The following SNTG2 variants were observed in gnomAD, a reference collection of about 807,000 sequenced individuals.
SNTG2 encodes gamma-2-syntrophin.
A neutral mutation model predicts 70.9 loss-of-function variants in SNTG2; 74 were observed. The ratio of observed to expected loss-of-function variants is 1.04; its 90% CI spans 0.86 to 1.27. SNTG2 has a LOEUF of 1.27. Among genes scored for constraint, SNTG2 ranks in the 50% most tolerant of loss-of-function variants. The probability of loss-of-function intolerance (pLI) is 0.00; values close to 1 mark genes in which losing one functional copy is unlikely to be tolerated. For synonymous variants in SNTG2, 278 were observed against 273.8 expected (o/e 1.02, Z -0.15); for missense variants, 717 against 690.7 (o/e 1.04, Z -0.43).
chr2:1,255,941 T>TAAA (rs1222760328), intron 12 of SNTG2, among the ~76,000 whole-genome samples: 1 of 135,762 alleles, frequency 7.4e-6, no homozygotes, highest in African/African-American at 2.7e-5. Context: ...TATAAATATA[T>TAAA]ATATATATAA....
intron 9 of SNTG2, among the ~76,000 whole-genome samples, chr2:1,226,798 CTG>C (rs1452622696): frequency 6.6e-6 from 1 of 152,178 alleles, no homozygotes; most frequent in Non-Finnish European, 1.5e-5. Context: ...ATCTTTTAGA[CTG>C]TTTTATTTTT....
At chr2:1,254,628 C>A (rs1356152051) in intron 12 of SNTG2, among the ~76,000 whole-genome samples, 1 of 152,074 alleles carries the variant, frequency 6.6e-6, no homozygotes, top group Non-Finnish European at 1.5e-5. Flanking sequence ...TGTTCTGGGG[C>A]CACATATTCA....
intron 2 of SNTG2, among the ~76,000 whole-genome samples, chr2:1,092,941 T>C (rs1320856959): frequency 1.3e-5 from 2 of 152,208 alleles, no homozygotes; most frequent in African/African-American, 4.8e-5. Flanking sequence ...AGATTTTATC[T>C]GATATGTTTG....
At chr2:1,055,343 A>G (rs1459485800) in intron 1 of SNTG2, among the ~76,000 whole-genome samples, 1 of 152,146 alleles carries the variant, frequency 6.6e-6, no homozygotes, top group Non-Finnish European at 1.5e-5. Flanking sequence ...GACTTTTTCC[A>G]GTGCTGTTGC....
chr2:1,044,624 T>C (rs561663493), intron 1 of SNTG2, among the ~76,000 whole-genome samples: 1 of 152,306 alleles, frequency 6.6e-6, no homozygotes, highest in Non-Finnish European at 1.5e-5. Flanking sequence ...ATTGAAAGCT[T>C]TTTATGTGTT....
intron 7 of SNTG2, among the ~76,000 whole-genome samples, chr2:1,166,799 A>T (rs1670737565): frequency 6.6e-6 from 1 of 152,174 alleles, no homozygotes; most frequent in South Asian, 2.1e-4. Flanking sequence ...GCAGAGACAC[A>T]AGTGGCCGGA....
chr2:1,319,020 A>T (rs1218911031), intron 16 of SNTG2, among the ~76,000 whole-genome samples: 2 of 152,192 alleles, frequency 1.3e-5, no homozygotes, highest in African/African-American at 4.8e-5. Flanking sequence ...TTATTTGTTA[A>T]TGATCAGTCA....
intron 9 of SNTG2, among the ~76,000 whole-genome samples, chr2:1,230,620 A>G (rs1357590460): frequency 6.6e-6 from 1 of 152,224 alleles, no homozygotes; most frequent in Non-Finnish European, 1.5e-5. Flanking sequence ...GTAAACGCAG[A>G]TAACCATTCC....
In SNTG2 at chr2:950,969, G is replaced by C; in HGVS notation, c.-28G>C. Reference sequence around the variant, plus strand: ...CCTGGCGTTGAGCTCGGCCGGCCCGGAGCGCGGACCCAGCCGCAGGGGCGG... The same window carrying C: ...CCTGGCGTTGAGCTCGGCCGGCCCGCAGCGCGGACCCAGCCGCAGGGGCGG... On this transcript the variant is annotated 5_prime_UTR_variant, in exon 1 of 17. Transcript: ENST00000308624. The C allele has an allele frequency of 1.7e-6, 2 of 1,202,082 alleles. No individual in the cohort carries two copies. The highest frequency in any genetic ancestry group is 1.0e-6 in the Non-Finnish European group (1 of 962,846). The allele number at this position is 1,202,082 out of a possible 1,614,324, so 74.5% of individuals were successfully genotyped here.
At chr2:1,174,290 A>G (rs1374220928) in intron 8 of SNTG2, among the ~76,000 whole-genome samples, 6 of 31,272 alleles carry the variant, frequency 1.9e-4, no homozygotes, top group African/African-American at 1.4e-3. Flanking sequence ...AGTTTTATCC[A>G]TATATATATA....
At chr2:1,015,392 C>T (rs1659857868) in intron 1 of SNTG2, among the ~76,000 whole-genome samples, 1 of 152,144 alleles carries the variant, frequency 6.6e-6, no homozygotes, top group South Asian at 2.1e-4. Flanking sequence ...TTCAAAAACA[C>T]ACCATAAACC....
chr2:1,075,983 G>A (rs542370115), intron 1 of SNTG2, among the ~76,000 whole-genome samples: 182 of 152,312 alleles, frequency 1.2e-3, no homozygotes, highest in African/African-American at 4.2e-3. Flanking sequence ...GAGCGGTGAG[G>A]CAGATTGCAC....
chr2:1,166,761 G>A (rs1388977434), intron 7 of SNTG2, among the ~76,000 whole-genome samples: 6 of 152,184 alleles, frequency 3.9e-5, no homozygotes, highest in African/African-American at 1.4e-4. Flanking sequence ...CCCATCCTAT[G>A]CCTATAACAA....
At chr2:1,245,281 GAAAAAA>G (rs1055373362) in intron 11 of SNTG2, among the ~76,000 whole-genome samples, 1 of 147,398 alleles carries the variant, frequency 6.8e-6, no homozygotes, top group African/African-American at 2.5e-5. Context: ...AAAAAAAAAG[GAAAAAA>G]AAAAGAAATA....
At chr2:1,157,766 G>C (rs1022316277) in intron 6 of SNTG2, among the ~76,000 whole-genome samples, 21 of 152,166 alleles carry the variant, frequency 1.4e-4, no homozygotes, top group Non-Finnish European at 2.8e-4. Flanking sequence ...CTCAGCTTCT[G>C]GTGTGCACAG....
chr2:965,330 A>ATCCTCCTCCTGGTCCCCAG (rs1179671260), intron 1 of SNTG2, among the ~76,000 whole-genome samples: 1 of 95,962 alleles, frequency 1.0e-5, no homozygotes, highest in Admixed American at 1.1e-4. Context: ...TTGGACCCCA[A>ATCCTCCTCCTGGTCCCCAG]TCCTCCTCCT....
At chr2:1,004,718 A>T (rs1197109295) in intron 1 of SNTG2, among the ~76,000 whole-genome samples, 1 of 152,208 alleles carries the variant, frequency 6.6e-6, no homozygotes, top group East Asian at 1.9e-4. Flanking sequence ...GTGTGAATGC[A>T]AGTATGGTGA....
At chr2:978,482 T>C (rs1337216799) in intron 1 of SNTG2, among the ~76,000 whole-genome samples, 1 of 152,162 alleles carries the variant, frequency 6.6e-6, no homozygotes, top group South Asian at 2.1e-4. Context: ...AAAAGGAATT[T>C]TGGGGGATGC....
chr2:1,283,974 T>C (rs1189954319), intron 14 of SNTG2, among the ~76,000 whole-genome samples: 1 of 152,096 alleles, frequency 6.6e-6, no homozygotes, highest in African/African-American at 2.4e-5. Flanking sequence ...TTAAACTGAG[T>C]ACCTCACGGT....
Sources: gnomAD v4.1 joint callset for allele counts (sites outside exome capture counted in the v4.1 genomes callset) on GRCh38, gnomAD v4.1.1 for gene constraint, MANE v1.5 for transcripts, NCBI Gene and HGNC (gene_info 2026-07-23, HGNC 2026-07-21) for gene names.